The following TSPEAR variants were observed in gnomAD, a reference collection of about 807,000 sequenced individuals.
TSPEAR encodes thrombospondin type laminin G domain and EAR repeats, also known as thrombospondin-type laminin G domain and EAR repeat-containing protein.
TSPEAR carries 69 observed loss-of-function variants against 71.6 expected under a neutral mutation model. The observed-to-expected ratio is 0.96, with a 90% CI of 0.79 to 1.18. The LOEUF is 1.18. Among genes scored for constraint, TSPEAR ranks in the 50% most tolerant of loss-of-function variants. The pLI is 0.00. For missense variants in TSPEAR, 971 were observed against 894.9 expected (o/e 1.09, Z -1.09); for synonymous variants, 402 against 387.2 (o/e 1.04, Z -0.45).
intron 10 of TSPEAR, among the ~76,000 whole-genome samples, chr21:44,505,135 G>A (rs1004112856): frequency 2.6e-5 from 4 of 152,176 alleles, no homozygotes. Flanking sequence ...CTGGAGTGCA[G>A]TGGCGAGATC....
chr21:44,600,015 T>A (rs928896194), intron 1 of TSPEAR, among the ~76,000 whole-genome samples: 1 of 152,214 alleles, frequency 6.6e-6, no homozygotes, highest in Non-Finnish European at 1.5e-5. Context: ...CAGGAACTAC[T>A]GTGAACCTGA....
chr21:44,539,984 G>A (rs201266518), intron 2 of TSPEAR: 11 of 1,613,338 alleles, frequency 6.8e-6, no homozygotes, highest in Non-Finnish European at 9.3e-6. Context: ...CTGGCAGCAG[G>A]GGCTGGACAC....
At chr21:44,702,385 C>CCCAGCGCCTGCCAAGCAGGCTGCA (rs745969633) in intron 1 of TSPEAR, 1 of 1,077,412 alleles carries the variant, frequency 9.3e-7, no homozygotes, top group Non-Finnish European at 1.3e-6. Context: ...AGCCTGTGAG[C>CCCAGCGCCTGCCAAGCAGGCTGCA]CCAGCTCCTG....
intron 1 of TSPEAR, among the ~76,000 whole-genome samples, chr21:44,694,278 G>A (rs1433653398): frequency 6.6e-6 from 1 of 152,214 alleles, no homozygotes; most frequent in Non-Finnish European, 1.5e-5. Flanking sequence ...ATAAACATTG[G>A]AAACATTGTG....
At chr21:44,600,651 C>T (rs1980745030) in intron 1 of TSPEAR, 8 of 1,613,588 alleles carry the variant, frequency 5.0e-6, no homozygotes, top group Non-Finnish European at 6.8e-6. Context: ...CTGTCTGCTC[C>T]AGCGACCTGA....
At chr21:44,608,489 C>T (rs1569216950) in intron 1 of TSPEAR, among the ~76,000 whole-genome samples, 1 of 152,150 alleles carries the variant, frequency 6.6e-6, no homozygotes, top group African/African-American at 2.4e-5. Flanking sequence ...AGTTATTGAA[C>T]GTTCACTGAC....
chr21:44,709,372 T>C (rs1555953142), intron 1 of TSPEAR, among the ~76,000 whole-genome samples: 1 of 152,262 alleles, frequency 6.6e-6, no homozygotes, highest in East Asian at 1.9e-4. Context: ...AAACACAGGC[T>C]TGTCCTCCCT....
chr21:44,569,125 C>T (rs587607841), intron 1 of TSPEAR, among the ~76,000 whole-genome samples: 3 of 152,322 alleles, frequency 2.0e-5, no homozygotes, highest in Admixed American at 6.5e-5. Context: ...CCACGTGCAT[C>T]GCAGTGCCAC....
intron 1 of TSPEAR, among the ~76,000 whole-genome samples, chr21:44,626,647 T>G (rs1166662582): frequency 2.0e-5 from 3 of 152,104 alleles, no homozygotes; most frequent in African/African-American, 7.2e-5. Flanking sequence ...GATTAGAAAT[T>G]GGCGAGTCCT....
intron 1 of TSPEAR, among the ~76,000 whole-genome samples, chr21:44,635,996 T>C (rs918453276): frequency 2.0e-5 from 3 of 152,236 alleles, no homozygotes; most frequent in Non-Finnish European, 2.9e-5. Flanking sequence ...TTCATGCTTA[T>C]TGGAAATTTA....
chr21:44,531,006 A>G, intron 4 of TSPEAR, 37 bp downstream of exon 4: 1 of 1,546,204 alleles, frequency 6.5e-7, no homozygotes, highest in South Asian at 1.1e-5. Flanking sequence ...CCCATCCCGC[A>G]GCACGGGTGT....
rs141420272 is a variant in TSPEAR, at chr21:44,528,481, A to G, written c.893T>C (p.Val298Ala). The G allele has an allele frequency of 3.0e-5, 49 of 1,613,926 alleles. No homozygotes were observed. The African/African-American group carries it at 5.2e-4, about 17-fold the overall frequency. The change falls in exon 6 of 12, where the codon GTT becomes GCT. Residue 298 changes from valine to alanine, a missense_variant. By Grantham distance (64) the Val-to-Ala change is moderately conservative (BLOSUM62 0). Coordinates refer to ENST00000323084, the MANE Select transcript of TSPEAR (RefSeq NM_144991.3). Reference sequence around the variant, plus strand: ...TAACACGGAGACCCACTCGTTGCCAACACACAGATACAGGCCCTTCCGGCT... The same window carrying G: ...TAACACGGAGACCCACTCGTTGCCAGCACACAGATACAGGCCCTTCCGGCT... ...DASRKGLYLC[V>A]GNEWVSVLAA...
At position 44,505,203 on chromosome 21, in the gene TSPEAR, C is replaced by T. The variant is rs150651821; in HGVS notation, c.1755-322G>A. Among the ~76,000 whole-genome samples the T allele has an allele frequency of 6.3e-3, 961 of 152,136 alleles. 12 individuals are homozygous for T. The highest frequency in any genetic ancestry group is 0.018 in the African/African-American group (761 of 41,482). On this transcript the variant is annotated intron_variant, in intron 10 of 11. Transcript: ENST00000323084. The stretch of plus-strand genomic sequence containing the variant: ...AAGCGATTCTCCTGCCTCAGCCTCC[C>T]GAGTAGCTGGGATTACAAGTGTGCG...
chr21:44,541,371 C>T (rs1328594533), intron 2 of TSPEAR, among the ~76,000 whole-genome samples: 1 of 152,198 alleles, frequency 6.6e-6, no homozygotes, highest in Admixed American at 6.5e-5. Flanking sequence ...GTTCTCCTTT[C>T]GTGTGTGGGG....
intron 1 of TSPEAR, among the ~76,000 whole-genome samples, chr21:44,630,655 A>G (rs1344966273): frequency 1.3e-5 from 2 of 149,040 alleles, no homozygotes; most frequent in Non-Finnish European, 3.0e-5. Flanking sequence ...CAGGAAGTGA[A>G]GGGGAAGTGA....
intron 1 of TSPEAR, chr21:44,677,922 C>A (rs1986396636): frequency 1.4e-6 from 2 of 1,396,532 alleles, no homozygotes; most frequent in Non-Finnish European, 2.0e-6. Context: ...AATACCTCCA[C>A]CAAAAAACAA....
intron 1 of TSPEAR, among the ~76,000 whole-genome samples, chr21:44,624,997 A>G (rs1555934062): frequency 1.3e-5 from 2 of 152,196 alleles, no homozygotes; most frequent in Non-Finnish European, 2.9e-5. Flanking sequence ...ATGTCAGCCA[A>G]TTCCCCACAC....
chr21:44,558,754 T>TGAGTGAGTGTGG, intron 2 of TSPEAR: 3 of 1,568,190 alleles, frequency 1.9e-6, no homozygotes, highest in Non-Finnish European at 2.6e-6. Flanking sequence ...GAGACGTGAG[T>TGAGTGAGTGTGG]GAGTGAGTGT....
chr21:44,522,126 A>G lies in TSPEAR; in HGVS notation c.1337-14T>C. 6.2e-7 allele frequency: 1 copy of G among 1,612,942 alleles called. No individual in the cohort carries two copies. Among genetic ancestry groups the G allele is most frequent in the Non-Finnish European group, 8.5e-7 (1 of 1,179,162 alleles). On this transcript the variant is annotated splice_polypyrimidine_tract_variant and intron_variant, in intron 8 of 11. Coordinates refer to ENST00000323084, the MANE Select transcript of TSPEAR (RefSeq NM_144991.3). ...TGTGGTTGTCGCCTGGAACCAAGGG[A>G]CTGTGCTGGGGGCAGGGAGGCAGAT...
Sources: allele counts gnomAD v4.1 joint callset (sites outside exome capture counted in the v4.1 genomes callset), GRCh38; gene constraint gnomAD v4.1.1; transcripts MANE v1.5; gene names NCBI Gene and HGNC (gene_info 2026-07-23, HGNC 2026-07-21).